Variants in CEP170 observed in about 807,000 individuals in gnomAD.
The protein encoded by CEP170 is centrosomal protein of 170 kDa.
In CEP170, 21 loss-of-function variants were observed where a neutral mutation model predicts 151.9. That is an observed-to-expected ratio of 0.14 (90% CI 0.10 to 0.20). CEP170 has a LOEUF of 0.20. Among genes scored for constraint, CEP170 ranks in the 10% least tolerant of loss-of-function variants. CEP170 has a pLI of 1.00. For missense variants in CEP170, 964 were observed against 1,892.9 expected (o/e 0.51, Z 9.11); for synonymous variants, 356 against 648.8 (o/e 0.55, Z 6.86).
chr1:243,176,252 G>T (rs999635535), intron 10 of CEP170, among the ~76,000 whole-genome samples: 3 of 151,952 alleles, frequency 2.0e-5, no homozygotes, highest in Non-Finnish European at 4.4e-5. Context: ...TGGGGAAGGA[G>T]ATGAGACACC....
intron 1 of CEP170, among the ~76,000 whole-genome samples, chr1:243,234,888 GA>G (rs1275669010): frequency 6.6e-6 from 1 of 152,070 alleles, no homozygotes; most frequent in East Asian, 1.9e-4. Flanking sequence ...AGCATTTATT[GA>G]CTACTTAATA....
intron 8 of CEP170, among the ~76,000 whole-genome samples, chr1:243,187,361 C>T (rs1230291353): frequency 6.6e-6 from 1 of 151,874 alleles, no homozygotes; most frequent in East Asian, 1.9e-4. Flanking sequence ...ATTCTCATTA[C>T]CTAAATAATA....
At chr1:243,250,607 C>A (rs1572698044) in intron 1 of CEP170, among the ~76,000 whole-genome samples, 1 of 152,094 alleles carries the variant, frequency 6.6e-6, no homozygotes, top group African/African-American at 2.4e-5. Flanking sequence ...ACCCCATGAC[C>A]AACATCAAAA....
At chr1:243,127,360 C>G (rs1231077211) in intron 19 of CEP170, among the ~76,000 whole-genome samples, 2 of 152,160 alleles carry the variant, frequency 1.3e-5, no homozygotes, top group Non-Finnish European at 2.9e-5. Flanking sequence ...GGTCAGCTTT[C>G]AGTCCAAAAG....
At chr1:243,150,552 C>T (rs894222532) in intron 14 of CEP170, among the ~76,000 whole-genome samples, 2 of 152,146 alleles carry the variant, frequency 1.3e-5, no homozygotes, top group Non-Finnish European at 2.9e-5. Context: ...TAAGTTTGGA[C>T]GGAAATTTGA....
At position 243,200,261 on chromosome 1, in the gene CEP170, C is replaced by G. The variant is rs371447890; in HGVS notation, c.496+257G>C. Reference sequence around the variant, plus strand: ...CATGGGAGTCCTGAAACCAGTCCCCCACGGATACTGAAGGATGACCATATT... The same window carrying G: ...CATGGGAGTCCTGAAACCAGTCCCCGACGGATACTGAAGGATGACCATATT... On this transcript the variant is annotated intron_variant, in intron 6 of 19. Coordinates refer to ENST00000366542, the MANE Select transcript of CEP170 (RefSeq NM_014812.3). Among the ~76,000 whole-genome samples, 63 of 152,120 alleles carry G rather than the reference C, an allele frequency of 4.1e-4. 2 individuals are homozygous for G. The South Asian group carries it at 0.011, about 28-fold the overall frequency.
intron 11 of CEP170, among the ~76,000 whole-genome samples, 159 bp downstream of exon 11, chr1:243,172,538 A>G (rs943088249): frequency 6.6e-5 from 10 of 152,248 alleles, no homozygotes; most frequent in Non-Finnish European, 1.5e-5. Context: ...ACGCTGAAGC[A>G]GGAGAATCAC....
intron 12 of CEP170, chr1:243,166,483 A>C: frequency 5.3e-6 from 1 of 190,448 alleles, no homozygotes; most frequent in Non-Finnish European, 1.1e-5. Flanking sequence ...AATATTTTCA[A>C]TCCTCAGTTG....
intron 1 of CEP170, among the ~76,000 whole-genome samples, chr1:243,232,506 C>A (rs2063849221): frequency 1.3e-5 from 2 of 152,130 alleles, no homozygotes; most frequent in South Asian, 4.1e-4. Context: ...CATTATGCTA[C>A]AATTTAAAGT....
Position 243,225,170 on chromosome 1 carries a change from A to G in CEP170, c.105+6T>C, listed in dbSNP as rs367579621. ...AAACACATATAGAGAAGCTTGACAC[A>G]ATTACCTGCAACATGAGCTCACAGT... On this transcript the variant is annotated splice_donor_region_variant and intron_variant, in intron 2 of 19. Coordinates refer to ENST00000366542, the MANE Select transcript of CEP170 (RefSeq NM_014812.3). 18 of 1,567,930 alleles carry G rather than the reference A, an allele frequency of 1.1e-5. No individual in the cohort carries two copies. Among genetic ancestry groups the G allele is most frequent in the Non-Finnish European group, 1.6e-5 (18 of 1,156,448 alleles).
chr1:243,155,238 AAT>A (rs1262299210), intron 14 of CEP170, among the ~76,000 whole-genome samples: 1 of 152,258 alleles, frequency 6.6e-6, no homozygotes, highest in Non-Finnish European at 1.5e-5. Context: ...ATGACAAGTG[AAT>A]AGTCTTTAAA....
intron 10 of CEP170, among the ~76,000 whole-genome samples, chr1:243,184,358 CTCTCTA>C (rs998673620): frequency 3.0e-4 from 45 of 152,118 alleles, no homozygotes; most frequent in African/African-American, 1.1e-3. Flanking sequence ...CTCTCTCTCT[CTCTCTA>C]TATATATATA....
intron 1 of CEP170, among the ~76,000 whole-genome samples, chr1:243,238,418 C>G (rs536139193): frequency 2.0e-5 from 3 of 152,056 alleles, no homozygotes; most frequent in South Asian, 4.2e-4. Flanking sequence ...AAGACTGTGC[C>G]ATTGCACTCT....
intron 1 of CEP170, among the ~76,000 whole-genome samples, chr1:243,245,258 GT>G (rs76939586): frequency 5.2e-4 from 76 of 146,092 alleles, no homozygotes; most frequent in African/African-American, 1.1e-3. Flanking sequence ...TTTAAATAAG[GT>G]TTTTTTTTTT....
chr1:243,133,236 T>C (rs1341932041), intron 17 of CEP170, among the ~76,000 whole-genome samples: 1 of 152,198 alleles, frequency 6.6e-6, no homozygotes, highest in African/African-American at 2.4e-5. Flanking sequence ...AACCATCCTA[T>C]ATTTCCCTTA....
intron 1 of CEP170, among the ~76,000 whole-genome samples, chr1:243,246,945 T>G (rs2065462911): frequency 6.6e-6 from 1 of 152,164 alleles, no homozygotes; most frequent in Non-Finnish European, 1.5e-5. Flanking sequence ...TCAAAAAGCT[T>G]ACCACAAAAA....
At chr1:243,164,105 C>G (rs1456594101) in intron 13 of CEP170, among the ~76,000 whole-genome samples, 179 bp downstream of exon 13, 3 of 152,024 alleles carry the variant, frequency 2.0e-5, no homozygotes, top group Non-Finnish European at 1.5e-5. Flanking sequence ...TTTCCATTTA[C>G]TATGCTAAAT....
intron 3 of CEP170, among the ~76,000 whole-genome samples, chr1:243,219,809 A>G (rs2062630079): frequency 6.6e-6 from 1 of 152,256 alleles, no homozygotes; most frequent in Non-Finnish European, 1.5e-5. Flanking sequence ...AGAAAGATTT[A>G]CTGGGTTCAT....
intron 14 of CEP170, among the ~76,000 whole-genome samples, chr1:243,154,010 T>C (rs1290679839): frequency 6.6e-6 from 1 of 152,248 alleles, no homozygotes; most frequent in Admixed American, 6.5e-5. Context: ...GCATCAGGGA[T>C]ACCTGAAAGA....
Sources: allele counts gnomAD v4.1 joint callset (sites outside exome capture counted in the v4.1 genomes callset), GRCh38; gene constraint gnomAD v4.1.1; transcripts MANE v1.5; gene names NCBI Gene and HGNC (gene_info 2026-07-23, HGNC 2026-07-21).